The following MYO6 variants were observed in gnomAD, a reference collection of about 807,000 sequenced individuals.
MYO6 encodes myosin VI, also known as unconventional myosin-VI.
MYO6 carries 74 observed loss-of-function variants against 178.7 expected under a neutral mutation model. The ratio of observed to expected loss-of-function variants is 0.41; its 90% confidence interval spans 0.34 to 0.50. The LOEUF (loss-of-function observed/expected upper bound fraction) is 0.50. MYO6 is among the 20% of genes least tolerant of loss of function. The probability of loss-of-function intolerance (pLI) is 0.09; values close to 1 mark genes in which losing one functional copy is unlikely to be tolerated. For missense variants in MYO6, 1,330 were observed against 1,547.4 expected (o/e 0.86, Z 2.36); for synonymous variants, 477 against 504.6 (o/e 0.95, Z 0.73).
chr6:75,917,584 A>C lies in MYO6; in HGVS notation c.*2572A>C, dbSNP rs1338857560. 2 of 152,258 alleles carry C rather than the reference A, an allele frequency of 1.3e-5. No individual in the cohort carries two copies. The highest frequency in any genetic ancestry group is 2.9e-5 in the Non-Finnish European group (2 of 68,052). 9.4% of individuals were successfully genotyped at this position (152,258 alleles called of 1,614,324 possible). ...GATTGTGAAAATATGAGGAAGAAAC[A>C]AAACAGTGCATGTAGGAGCACAGGG... On this transcript the variant is annotated 3_prime_UTR_variant, in exon 35 of 35. Coordinates refer to ENST00000369977, the MANE Select transcript of MYO6 (RefSeq NM_004999.4).
chr6:75,896,183 C>T (rs536542796), intron 29 of MYO6, among the ~76,000 whole-genome samples: 1 of 152,218 alleles, frequency 6.6e-6, no homozygotes, highest in South Asian at 2.1e-4. Context: ...GATGAGGATT[C>T]TCAACTCTAT....
chr6:75,791,635 C>T (rs1479087041), intron 1 of MYO6, among the ~76,000 whole-genome samples: 1 of 152,064 alleles, frequency 6.6e-6, no homozygotes, highest in African/African-American at 2.4e-5. Context: ...CTTTTTTCAA[C>T]TGATGTTAAG....
intron 30 of MYO6, among the ~76,000 whole-genome samples, chr6:75,899,667 A>G (rs1197827558): frequency 6.6e-6 from 1 of 151,816 alleles, no homozygotes; most frequent in Non-Finnish European, 1.5e-5. Context: ...TTTTAATCAT[A>G]AAAATACGGG....
chr6:75,797,955 G>GT (rs1378242750), intron 1 of MYO6, among the ~76,000 whole-genome samples: 10 of 152,098 alleles, frequency 6.6e-5, no homozygotes, highest in African/African-American at 2.2e-4. Context: ...AGCCTCTGTT[G>GT]TTTTTTTACT....
chr6:75,890,330 T>C, intron 26 of MYO6, 65 bp downstream of exon 26: 1 of 1,599,446 alleles, frequency 6.3e-7, no homozygotes, highest in Middle Eastern at 1.7e-4. Flanking sequence ...GTATTGACAG[T>C]GGTTAATGAC....
At chr6:75,854,172 C>G (rs1775529551) in intron 11 of MYO6, among the ~76,000 whole-genome samples, 1 of 151,902 alleles carries the variant, frequency 6.6e-6, no homozygotes, top group Non-Finnish European at 1.5e-5. Flanking sequence ...CCTCACATAC[C>G]CCTGTGCAAG....
At chr6:75,832,992 T>C (rs762173367) in intron 6 of MYO6, 45 bp downstream of exon 6, 2 of 1,363,790 alleles carry the variant, frequency 1.5e-6, no homozygotes, top group Non-Finnish European at 2.1e-6. Flanking sequence ...GTTGATCTTT[T>C]TTTTCCCCCC....
intron 1 of MYO6, among the ~76,000 whole-genome samples, chr6:75,779,451 A>C (rs1019904494): frequency 2.6e-5 from 4 of 152,048 alleles, no homozygotes; most frequent in African/African-American, 9.7e-5. Context: ...GTAGTGAGCC[A>C]AGATTGTGCC....
At position 75,914,128 on chromosome 6, in the gene MYO6, C is replaced by A; in HGVS notation, c.3505C>A (p.Arg1169Ser). Reference protein sequence around the residue: ...QREIEMNRQQRFFRIPFIRPA... With the variant: ...QREIEMNRQQSFFRIPFIRPA... Reference sequence around the variant, plus strand: ...GGAGATTGAAATGAACCGACAGCAACGCTTCTTCCGCATCCCATTCATCCG... The same window carrying A: ...GGAGATTGAAATGAACCGACAGCAAAGCTTCTTCCGCATCCCATTCATCCG... The change falls in exon 34 of 35, where the codon CGC (arginine) becomes AGC (serine). Residue 1169 changes from arginine to serine, a missense_variant. By Grantham distance (110) the Arg-to-Ser change is moderately radical. This residue lies in a region of MYO6 where 601 missense variants were observed against 626.1 expected (regional missense o/e 0.96). Coordinates refer to ENST00000369977, the MANE Select transcript of MYO6 (RefSeq NM_004999.4). The A allele has an allele frequency of 6.2e-7, 1 of 1,614,128 alleles. No individual in the cohort carries two copies. The highest frequency in any genetic ancestry group is 8.5e-7 in the Non-Finnish European group (1 of 1,180,024).
intron 1 of MYO6, among the ~76,000 whole-genome samples, chr6:75,797,882 G>GTTGAATTAA (rs1300858909): frequency 3.5e-4 from 54 of 152,268 alleles, no homozygotes; most frequent in Admixed American, 7.8e-4. Context: ...TTCCATAGTG[G>GTTGAATTAA]TTGAATTAAT....
intron 1 of MYO6, among the ~76,000 whole-genome samples, chr6:75,808,167 G>T (rs1209108402): frequency 6.6e-6 from 1 of 152,194 alleles, no homozygotes; most frequent in African/African-American, 2.4e-5. Context: ...AGTGTAGACT[G>T]CTCAGGCTGC....
chr6:75,816,058 C>G (rs1055417027), intron 1 of MYO6, among the ~76,000 whole-genome samples: 2 of 152,138 alleles, frequency 1.3e-5, no homozygotes, highest in Non-Finnish European at 2.9e-5. Context: ...TGAAAGAAAC[C>G]ATACAGGGGT....
chr6:75,872,682 A>T (rs546580721), intron 19 of MYO6, among the ~76,000 whole-genome samples: 1 of 152,342 alleles, frequency 6.6e-6, no homozygotes, highest in East Asian at 1.9e-4. Context: ...ACAGTTTTTG[A>T]CATTCAAATC....
At position 75,861,118 on chromosome 6, in the gene MYO6, T is replaced by G; in HGVS notation, c.1546+23T>G. The G allele has an allele frequency of 3.2e-6, 5 of 1,552,364 alleles. 1 individual carries two copies. Among genetic ancestry groups the G allele is most frequent in the African/African-American group, 1.4e-5 (1 of 73,636 alleles). On this transcript the variant is annotated intron_variant, in intron 15 of 34. Coordinates refer to ENST00000369977, the MANE Select transcript of MYO6 (RefSeq NM_004999.4). Reference sequence around the variant, plus strand: ...TAGGTATGTGTTTTTTAACTCCACCTTTGAAAAATATAGGAAGATGTAGTG... The same window carrying G: ...TAGGTATGTGTTTTTTAACTCCACCGTTGAAAAATATAGGAAGATGTAGTG...
At chr6:75,847,165 GTGTTTTCTGC>G (rs1391273269) in intron 10 of MYO6, among the ~76,000 whole-genome samples, 1 of 152,086 alleles carries the variant, frequency 6.6e-6, no homozygotes, top group Non-Finnish European at 1.5e-5. Context: ...TGCATGATGT[GTGTTTTCTGC>G]TGAACAGTTT....
At chr6:75,848,267 A>C in intron 10 of MYO6, 84 bp from the exon 11 acceptor site, 1 of 1,204,608 alleles carries the variant, frequency 8.3e-7, no homozygotes, top group Non-Finnish European at 1.2e-6. Flanking sequence ...CATGTTATAT[A>C]GTGCATTAAT....
rs907173770 is a variant in MYO6, at chr6:75,866,816, G to T, written c.1771-116G>T. 42 of 1,196,402 alleles carry T rather than the reference G, an allele frequency of 3.5e-5. No homozygotes were observed. In the Admixed American group the frequency reaches 5.7e-4, roughly 16 times the overall value. The allele number at this position is 1,196,402 out of a possible 1,614,324, so 74.1% of individuals were successfully genotyped here. ...CACACTGACTAGTGGTGACGGCGTTGGACAGTGCAGATACAGAACATTTCT... is the reference window on the plus strand; with the variant it reads ...CACACTGACTAGTGGTGACGGCGTTTGACAGTGCAGATACAGAACATTTCT... On this transcript the variant is annotated intron_variant, in intron 17 of 34. Coordinates refer to ENST00000369977, the MANE Select transcript of MYO6 (RefSeq NM_004999.4).
intron 1 of MYO6, among the ~76,000 whole-genome samples, chr6:75,750,435 G>A (rs556932916): frequency 2.0e-5 from 3 of 151,644 alleles, no homozygotes; most frequent in Admixed American, 1.3e-4. Context: ...GTGATGTGGT[G>A]GAGGGATGCT....
At chr6:75,875,613 T>C (rs1777514122) in intron 20 of MYO6, among the ~76,000 whole-genome samples, 1 of 152,232 alleles carries the variant, frequency 6.6e-6, no homozygotes, top group Non-Finnish European at 1.5e-5. Flanking sequence ...AAAATTTAAA[T>C]TTAAGTAGTC....
Sources: allele counts gnomAD v4.1 joint callset (sites outside exome capture counted in the v4.1 genomes callset), GRCh38; gene constraint gnomAD v4.1.1; regional missense constraint gnomAD v4.1.1; transcripts MANE v1.5; gene names NCBI Gene and HGNC (gene_info 2026-07-23, HGNC 2026-07-21).